The following IL10RB variants were observed in gnomAD, a reference collection of about 807,000 sequenced individuals.
The protein encoded by IL10RB is interleukin-10 receptor subunit beta.
IL10RB carries 30 observed loss-of-function variants against 38.7 expected under a neutral mutation model. The ratio of observed to expected loss-of-function variants is 0.78; its 90% CI spans 0.58 to 1.05. IL10RB has a LOEUF of 1.05. Ranked by LOEUF, IL10RB falls within the 50% of genes least tolerant of loss-of-function variation. The pLI, the probability that IL10RB is intolerant of heterozygous loss-of-function variation, is 0.00. For missense variants in IL10RB, 328 were observed against 397.1 expected (o/e 0.83, Z 1.48); for synonymous variants, 142 against 145.9 (o/e 0.97, Z 0.19).
downstream of IL10RB, among the ~76,000 whole-genome samples, chr21:33,301,836 G>A (rs1022365497): frequency 2.0e-5 from 3 of 152,234 alleles, no homozygotes; most frequent in African/African-American, 7.2e-5. Flanking sequence ...CAGGCAAGAA[G>A]TGACAGAGCC....
chr21:33,295,162 G>A (rs909508267), intron 6 of IL10RB, among the ~76,000 whole-genome samples: 3 of 151,876 alleles, frequency 2.0e-5, no homozygotes, highest in Non-Finnish European at 4.4e-5. Flanking sequence ...TCAGGAGATC[G>A]AGACCATCCT....
Position 33,268,201 on chromosome 21 carries a change from A to G in IL10RB, c.50-193A>G. The G allele has an allele frequency of 2.0e-6, 3 of 1,481,032 alleles. 1 individual carries two copies. In the South Asian group the frequency reaches 4.0e-5, roughly 20 times the overall value. The allele number at this position is 1,481,032 out of a possible 1,614,324, so 91.7% of individuals were successfully genotyped here. A position where few individuals can be genotyped will look rare whatever the true frequency, so the allele number is the denominator to read the frequency against. On this transcript the variant is annotated intron_variant, in intron 1 of 6. Coordinates refer to ENST00000290200, the MANE Select transcript of IL10RB (RefSeq NM_000628.5). The stretch of plus-strand genomic sequence containing the variant: ...GTCCCCATTTTACTCCTGCCCCTCC[A>G]GAAATTTCTCCTCACGGCTGTTCAA...
downstream of IL10RB, among the ~76,000 whole-genome samples, chr21:33,300,800 G>T (rs546062658): frequency 6.6e-6 from 1 of 152,110 alleles, no homozygotes; most frequent in Non-Finnish European, 1.5e-5. Context: ...TGCTGATGCC[G>T]TTCTCAGAGG....
intron 1 of IL10RB, chr21:33,267,884 TGAC>T (rs1989001052): frequency 9.7e-6 from 2 of 205,616 alleles, no homozygotes; most frequent in Admixed American, 5.3e-5. Flanking sequence ...CTTCTTGGTG[TGAC>T]CTCTGGGCTC....
intron 6 of IL10RB, chr21:33,294,069 A>C: frequency 2.1e-6 from 1 of 471,156 alleles, no homozygotes; most frequent in South Asian, 1.5e-5. Flanking sequence ...GCCTGCTGGC[A>C]TAAGCTCTCA....
rs1988939572 is a variant in IL10RB at position 33,266,388 on chromosome 21, C to A, written c.-78C>A. ...GCCCATCTCCGCTGGTTCCCGGAAG[C>A]CGCCGCGGACAAGCTCTCCCGGGCG... On this transcript the variant is annotated 5_prime_UTR_variant, in exon 1 of 7. Transcript: ENST00000290200. The A allele has an allele frequency of 1.3e-6, 2 of 1,488,964 alleles. No homozygotes were observed. The highest frequency in any genetic ancestry group is 2.0e-5 in the Admixed American group (1 of 50,252). The allele number at this position is 1,488,964 out of a possible 1,614,324, so 92.2% of individuals were successfully genotyped here. A position where few individuals can be genotyped will look rare whatever the true frequency, so the allele number is the denominator to read the frequency against.
chr21:33,289,455 C>T (rs2843696), intron 6 of IL10RB, among the ~76,000 whole-genome samples: 61,288 of 152,068 alleles, frequency 0.4, 12,743 homozygotes, highest in Non-Finnish European at 0.45. Flanking sequence ...CCTGAGGGCC[C>T]GCTCTCCTCT....
chr21:33,266,581 C>A, intron 1 of IL10RB, 67 bp downstream of exon 1: 1 of 1,471,520 alleles, frequency 6.8e-7, no homozygotes. Flanking sequence ...CGCCCCTGAT[C>A]CCATCCCTGG....
chr21:33,267,194 C>T (rs1003616502), intron 1 of IL10RB, among the ~76,000 whole-genome samples: 3 of 152,050 alleles, frequency 2.0e-5, no homozygotes. Context: ...TCCGGGATAC[C>T]CCTCCGGTTT....
intron 2 of IL10RB, among the ~76,000 whole-genome samples, chr21:33,269,656 T>C (rs1039558479): frequency 2.7e-5 from 4 of 150,678 alleles, no homozygotes; most frequent in African/African-American, 4.9e-5. Context: ...CACCAATTTT[T>C]TTTTTTTTTT....
intron 1 of IL10RB, among the ~76,000 whole-genome samples, chr21:33,306,319 T>C (rs939433473): frequency 6.6e-5 from 10 of 152,172 alleles, no homozygotes; most frequent in Non-Finnish European, 2.9e-5. Flanking sequence ...AAAAAGGTTT[T>C]TGGAGGTTTA....
rs962405858 is a variant in IL10RB, at chr21:33,270,818, G to A, written c.173+2301G>A. ...GCCTCCTGAGTAGCTGGGACTACAA[G>A]CACATGCCACCGTGCCCAACTGATT... On this transcript the variant is annotated intron_variant, in intron 2 of 6. Coordinates refer to ENST00000290200, the MANE Select transcript of IL10RB (RefSeq NM_000628.5). Among the ~76,000 whole-genome samples the A allele has an allele frequency of 5.9e-5, 9 of 152,010 alleles. No individual in the cohort carries two copies. In the East Asian group the frequency reaches 9.6e-4, roughly 16 times the overall value.
In IL10RB at chr21:33,279,831, G is replaced by C; in HGVS notation, c.411G>C (p.Glu137Asp). The change falls in exon 4 of 7, where the codon GAG (glutamate) becomes GAC (aspartate). Residue 137 changes from glutamate to aspartate, a missense_variant. Transcript: ENST00000290200. ...LHMRFLAPKI[E>D]NEYETWTMKN... Reference sequence around the variant, plus strand: ...TGCGTTTCTTAGCCCCTAAAATTGAGAATGAATACGAAACTTGGACTATGA... The same window carrying C: ...TGCGTTTCTTAGCCCCTAAAATTGACAATGAATACGAAACTTGGACTATGA... 1 of 1,613,386 alleles carries C rather than the reference G, an allele frequency of 6.2e-7. No homozygotes were observed. The highest frequency in any genetic ancestry group is 8.5e-7 in the Non-Finnish European group (1 of 1,179,312).
chr21:33,276,476 T>A, intron 2 of IL10RB, 120 bp from the exon 3 acceptor site: 1 of 780,854 alleles, frequency 1.3e-6, no homozygotes, highest in Non-Finnish European at 2.3e-6. Flanking sequence ...AGACACGTAT[T>A]TCTATGTTTA....
intron 5 of IL10RB, among the ~76,000 whole-genome samples, chr21:33,286,212 C>T (rs1989371770): frequency 6.6e-6 from 1 of 152,222 alleles, no homozygotes; most frequent in Admixed American, 6.5e-5. Flanking sequence ...TGACAAGCAC[C>T]ATGTCGTGCC....
intron 2 of IL10RB, among the ~76,000 whole-genome samples, chr21:33,274,372 C>T (rs925495847): frequency 6.6e-6 from 1 of 151,990 alleles, no homozygotes; most frequent in Non-Finnish European, 1.5e-5. Context: ...CAGGGTTTCA[C>T]CATGTTGGCC....
chr21:33,267,609 G>A (rs1396914389), intron 1 of IL10RB, among the ~76,000 whole-genome samples: 1 of 149,646 alleles, frequency 6.7e-6, no homozygotes, highest in Non-Finnish European at 1.5e-5. Flanking sequence ...TCCGCCTCCC[G>A]GGTTCAAGCG....
In IL10RB at chr21:33,271,554, C is replaced by G. The variant is rs111244549; in HGVS notation, c.173+3037C>G. On this transcript the variant is annotated intron_variant, in intron 2 of 6. Transcript: ENST00000290200. The stretch of plus-strand genomic sequence containing the variant: ...GACCAGCCTTACCAACATGGCAAAA[C>G]CCCATCTTTACTAAAAATACAAAAT... 5.9e-3 allele frequency among the ~76,000 whole-genome samples: 894 copies of G among 152,046 alleles called. 13 individuals are homozygous for G. Among genetic ancestry groups the G allele is most frequent in the African/African-American group, 0.021 (855 of 41,480 alleles).
At chr21:33,307,076 C>T (rs919042241) in intron 1 of IL10RB, among the ~76,000 whole-genome samples, 2 of 152,276 alleles carry the variant, frequency 1.3e-5, no homozygotes, top group Admixed American at 1.3e-4. Context: ...ACCGACTACT[C>T]CCCTGGCCTC....
Sources: allele counts gnomAD v4.1 joint callset (sites outside exome capture counted in the v4.1 genomes callset), GRCh38; gene constraint gnomAD v4.1.1; transcripts MANE v1.5; gene names NCBI Gene and HGNC (gene_info 2026-07-23, HGNC 2026-07-21).